The following EBF1 variants were observed in gnomAD, a reference collection of about 807,000 sequenced individuals.
The protein encoded by EBF1 is EBF transcription factor 1, also known as transcription factor COE1.
Under a neutral mutation model 68.4 loss-of-function variants are expected in EBF1, and 10 were observed. That is an observed-to-expected ratio of 0.15 (90% confidence interval 0.09 to 0.25). The LOEUF (loss-of-function observed/expected upper bound fraction) is 0.25, where lower values mean the gene tolerates loss of function less well. Ranked by LOEUF, EBF1 falls within the 10% of genes least tolerant of loss-of-function variation. The pLI is 1.00. For synonymous variants in EBF1, 298 were observed against 299.8 expected (o/e 0.99, Z 0.06); for missense variants, 509 against 794.4 (o/e 0.64, Z 4.32).
intron 10 of EBF1, among the ~76,000 whole-genome samples, chr5:158,762,680 C>T (rs371596956): frequency 9.2e-5 from 14 of 152,216 alleles, no homozygotes; most frequent in Non-Finnish European, 1.3e-4. Flanking sequence ...GGACTACAGG[C>T]GCCCGCCACT....
intron 6 of EBF1, among the ~76,000 whole-genome samples, chr5:158,902,982 A>G (rs901026415): frequency 1.3e-5 from 2 of 152,222 alleles, no homozygotes; most frequent in African/African-American, 2.4e-5. Context: ...AACAACATCT[A>G]GCAGGCACAA....
intron 6 of EBF1, among the ~76,000 whole-genome samples, chr5:159,057,572 C>A (rs1173111747): frequency 6.6e-6 from 1 of 152,188 alleles, no homozygotes; most frequent in Non-Finnish European, 1.5e-5. Flanking sequence ...GAGAGCAGAG[C>A]AGGACCCAGA....
intron 6 of EBF1, among the ~76,000 whole-genome samples, chr5:158,964,620 C>T (rs900801647): frequency 6.6e-6 from 1 of 152,108 alleles, no homozygotes. Flanking sequence ...GTATTCTCTA[C>T]CTAAGGCTTC....
At chr5:158,868,769 C>T (rs1230016220) in intron 6 of EBF1, among the ~76,000 whole-genome samples, 1 of 152,116 alleles carries the variant, frequency 6.6e-6, no homozygotes, top group African/African-American at 2.4e-5. Context: ...GCTGAAAATG[C>T]TGCATAGTGG....
chr5:158,792,043 T>C (rs1778712939), intron 9 of EBF1, among the ~76,000 whole-genome samples: 1 of 152,068 alleles, frequency 6.6e-6, no homozygotes, highest in Admixed American at 6.5e-5. Flanking sequence ...CACATGTTGG[T>C]AGAAAAGCAA....
At chr5:159,012,300 A>AAAAAG (rs1033044746) in intron 6 of EBF1, among the ~76,000 whole-genome samples, 18 of 152,108 alleles carry the variant, frequency 1.2e-4, no homozygotes, top group South Asian at 2.1e-4. Context: ...AAAAAAAAGA[A>AAAAAG]AAAAGAAAAG....
chr5:159,012,904 C>A (rs55816233), intron 6 of EBF1, among the ~76,000 whole-genome samples: 44,947 of 151,878 alleles, frequency 0.3, 6,777 homozygotes, highest in South Asian at 0.51. Context: ...CATTAAAACA[C>A]AGACATGCCC....
chr5:159,039,571 A>C (rs34554817), intron 6 of EBF1, among the ~76,000 whole-genome samples: 1 of 152,194 alleles, frequency 6.6e-6, no homozygotes, highest in East Asian at 1.9e-4. Flanking sequence ...GATTTTAAGA[A>C]AGAAAGAAAC....
intron 6 of EBF1, among the ~76,000 whole-genome samples, chr5:158,945,554 T>A (rs1000456871): frequency 6.6e-6 from 1 of 152,248 alleles, no homozygotes; most frequent in African/African-American, 2.4e-5. Flanking sequence ...GTTAGTCTGA[T>A]GGGCTTCCCT....
intron 6 of EBF1, among the ~76,000 whole-genome samples, chr5:159,005,638 A>G (rs1763407395): frequency 6.6e-6 from 1 of 152,204 alleles, no homozygotes. Context: ...AGAGTTGTAC[A>G]TGCTTTTGTC....
chr5:158,738,799 G>A (rs370619819), intron 10 of EBF1, among the ~76,000 whole-genome samples: 1 of 152,038 alleles, frequency 6.6e-6, no homozygotes, highest in South Asian at 2.1e-4. Context: ...ACCTCAATTT[G>A]CCACACATTA....
At chr5:158,836,108 G>C (rs1788729322) in intron 7 of EBF1, among the ~76,000 whole-genome samples, 2 of 152,304 alleles carry the variant, frequency 1.3e-5, no homozygotes, top group South Asian at 2.1e-4. Flanking sequence ...TTGGGGTGGA[G>C]GCAAAACGAA....
chr5:158,825,026 T>G (rs1353864256), intron 7 of EBF1, among the ~76,000 whole-genome samples: 1 of 152,196 alleles, frequency 6.6e-6, no homozygotes, highest in East Asian at 1.9e-4. Flanking sequence ...TTAGCCACTG[T>G]GAAACCCCAA....
chr5:158,749,194 G>A (rs549078442), intron 10 of EBF1, among the ~76,000 whole-genome samples: 3 of 152,246 alleles, frequency 2.0e-5, no homozygotes, highest in African/African-American at 4.8e-5. Context: ...TGCTAATAAA[G>A]ACATCATTTA....
chr5:158,730,469 A>G (rs1289616873), intron 11 of EBF1, among the ~76,000 whole-genome samples: 1 of 152,232 alleles, frequency 6.6e-6, no homozygotes, highest in East Asian at 1.9e-4. Context: ...GGTGACATAT[A>G]TGACTCTGTC....
intron 6 of EBF1, among the ~76,000 whole-genome samples, chr5:159,033,012 A>T (rs572043771): frequency 8.9e-6 from 1 of 112,884 alleles, no homozygotes; most frequent in South Asian, 3.2e-4. Context: ...ATCCGCCCCC[A>T]CCCCCAAACT....
chr5:159,012,282 T>A (rs1764822618), intron 6 of EBF1, among the ~76,000 whole-genome samples: 1 of 146,070 alleles, frequency 6.8e-6, no homozygotes, highest in Non-Finnish European at 1.5e-5. Flanking sequence ...ACAGACTCTG[T>A]CTCAAAAAAA....
At chr5:158,858,650 AATT>A (rs1201386987) in intron 6 of EBF1, among the ~76,000 whole-genome samples, 3 of 152,278 alleles carry the variant, frequency 2.0e-5, no homozygotes, top group East Asian at 1.9e-4. Context: ...CTTCTGCTAC[AATT>A]ATTATGTTGC....
chr5:158,839,241 C>T (rs915354129), intron 7 of EBF1, among the ~76,000 whole-genome samples: 2 of 152,140 alleles, frequency 1.3e-5, no homozygotes, highest in Non-Finnish European at 2.9e-5. Context: ...TTAACAGGGC[C>T]ATTTATAATA....
Sources: allele counts gnomAD v4.1 joint callset (sites outside exome capture counted in the v4.1 genomes callset), GRCh38; gene constraint gnomAD v4.1.1; transcripts MANE v1.5; gene names NCBI Gene and HGNC (gene_info 2026-07-23, HGNC 2026-07-21).